The following PABPC1L variants were observed in gnomAD, a reference collection of about 807,000 sequenced individuals.
The protein encoded by PABPC1L is poly(A) binding protein cytoplasmic 1 like, also known as polyadenylate-binding protein 1-like.
Under a neutral mutation model 66.6 loss-of-function variants are expected in PABPC1L, and 31 were observed. The ratio of observed to expected loss-of-function variants is 0.47; its 90% CI spans 0.35 to 0.63. The LOEUF (loss-of-function observed/expected upper bound fraction) is 0.63. PABPC1L is among the 20% of genes least tolerant of loss of function. PABPC1L has a pLI of 0.00. For synonymous variants in PABPC1L, 348 were observed against 335.1 expected, an observed-to-expected ratio of 1.04 and a Z score of -0.42; for missense variants, 722 against 848.8, an observed-to-expected ratio of 0.85 and a Z score of 1.86.
At chr20:44,929,759 C>T (rs1323161978) in intron 7 of PABPC1L, among the ~76,000 whole-genome samples, 2 of 150,768 alleles carry the variant, frequency 1.3e-5, no homozygotes, top group Admixed American at 1.3e-4. Flanking sequence ...CGTGCCACTC[C>T]ACTCTAGCCT....
At chr20:44,913,579 C>G (rs560397147) in intron 2 of PABPC1L, among the ~76,000 whole-genome samples, 6 of 152,178 alleles carry the variant, frequency 3.9e-5, no homozygotes, top group Admixed American at 1.3e-4. Flanking sequence ...AGCCACCATG[C>G]CTGGATAATT....
At chr20:44,927,187 G>A (rs73296554) in intron 7 of PABPC1L, among the ~76,000 whole-genome samples, 1,832 of 151,688 alleles carry the variant, frequency 0.012, 31 homozygotes, top group African/African-American at 0.04. Context: ...CATCTGGCCT[G>A]TATTTTGTTT....
intron 6 of PABPC1L, among the ~76,000 whole-genome samples, chr20:44,922,496 A>G (rs930846266): frequency 8.5e-5 from 13 of 152,092 alleles, no homozygotes; most frequent in Admixed American, 7.9e-4. Context: ...TCAGCCTCCC[A>G]AAGTGCTGGG....
chr20:44,936,318 T>A (rs1289947212), intron 11 of PABPC1L, among the ~76,000 whole-genome samples: 1 of 152,184 alleles, frequency 6.6e-6, no homozygotes, highest in Non-Finnish European at 1.5e-5. Context: ...GCCGGGGACA[T>A]GTCCATAAAT....
chr20:44,937,923 G>GT (rs2066913886), intron 12 of PABPC1L, 138 bp from the exon 13 acceptor site: 2 of 1,142,954 alleles, frequency 1.7e-6, no homozygotes. Flanking sequence ...AGAAGATCAA[G>GT]TGTTAAATGT....
At chr20:44,918,245 G>A (rs141515139) in intron 3 of PABPC1L, among the ~76,000 whole-genome samples, 132 of 152,260 alleles carry the variant, frequency 8.7e-4, no homozygotes, top group African/African-American at 3.0e-3. Flanking sequence ...CAGGAGAATC[G>A]CTTGAACCCA....
Position 44,939,272 on chromosome 20 carries a change from G to T in PABPC1L, c.*153G>T. The T allele has an allele frequency of 1.4e-6, 1 of 712,498 alleles. No homozygotes were observed. 44.1% of individuals were successfully genotyped at this position (712,498 alleles called of 1,614,324 possible). On this transcript the variant is annotated 3_prime_UTR_variant, in exon 15 of 15. Coordinates refer to ENST00000217073, the MANE Select transcript of PABPC1L (RefSeq NM_001372179.1). ...TGAATGAAGGTTGGTCACCCATCCA[G>T]CCTATTACCTTTTGCTTTGTGTATT...
intron 10 of PABPC1L, 67 bp from the exon 11 acceptor site, chr20:44,935,324 T>C (rs2066892831): frequency 8.4e-7 from 1 of 1,187,524 alleles, no homozygotes; most frequent in African/African-American, 1.5e-5. Context: ...TGTTTTGTTT[T>C]GTTTTGTTTT....
At chr20:44,938,436 T>C (rs2072608110) in intron 13 of PABPC1L, among the ~76,000 whole-genome samples, 1 of 152,174 alleles carries the variant, frequency 6.6e-6, no homozygotes, top group East Asian at 1.9e-4. Flanking sequence ...AGGAAGTGTG[T>C]TGTGACTCAG....
chr20:44,938,805 C>A, intron 14 of PABPC1L, 57 bp downstream of exon 14: 1 of 1,502,640 alleles, frequency 6.7e-7, no homozygotes, highest in Non-Finnish European at 9.1e-7. Context: ...AGGAAATAGG[C>A]AGGGACTGAC....
chr20:44,933,761 T>TC (rs1299419147), intron 10 of PABPC1L, among the ~76,000 whole-genome samples: 1 of 149,962 alleles, frequency 6.7e-6, no homozygotes, highest in Non-Finnish European at 1.5e-5. Context: ...TTTTTTTTTT[T>TC]TTTTTTTGAG....
intron 5 of PABPC1L, among the ~76,000 whole-genome samples, chr20:44,920,894 C>A (rs776276521): frequency 1.3e-5 from 2 of 151,986 alleles, no homozygotes; most frequent in African/African-American, 4.8e-5. Context: ...CTCACTGCAA[C>A]CTCCACCTCC....
rs747094879 is a variant in PABPC1L, at chr20:44,910,220, T to A, written c.77T>A (p.Met26Lys). 56 of 1,578,320 alleles carry A rather than the reference T, an allele frequency of 3.5e-5. 1 individual carries two copies. In the South Asian group the frequency reaches 6.0e-4, roughly 17 times the overall value. Residue 26 changes from methionine (M) to lysine (K), a missense_variant, in exon 1 of 15, where the codon ATG (methionine) becomes AAG (lysine). By Grantham distance (95) the Met-to-Lys change is moderately conservative. This residue lies in a region of PABPC1L where 284 missense variants were observed against 294.8 expected (regional missense o/e 0.96). Coordinates refer to ENST00000217073, the MANE Select transcript of PABPC1L (RefSeq NM_001372179.1). The part of the protein sequence containing the change: ...GDLHPDVTEA[M>K]LYEKFSPAGP... The stretch of plus-strand genomic sequence containing the variant: ...CTGCACCCCGACGTGACCGAGGCCA[T>A]GCTCTATGAGAAGTTCTCTCCCGCC...
intron 1 of PABPC1L, among the ~76,000 whole-genome samples, chr20:44,911,948 C>G (rs927659389): frequency 1.3e-5 from 2 of 151,722 alleles, no homozygotes; most frequent in Admixed American, 6.5e-5. Flanking sequence ...CCAGGAGAGA[C>G]ACAGGCTGCA....
At position 44,933,108 on chromosome 20, in the gene PABPC1L, G is replaced by GC. The variant is rs1555799915; in HGVS notation, c.1388dup (p.Ala464GlyfsTer56). The GC allele has an allele frequency of 2.5e-6, 4 of 1,606,340 alleles. No homozygotes were observed. Among genetic ancestry groups the GC allele is most frequent in the South Asian group, 2.2e-5 (2 of 89,102 alleles). On this transcript the variant is annotated frameshift_variant, in exon 10 of 15. Transcript: ENST00000217073. LOFTEE classifies it high-confidence loss of function. ...GTCCGGCCACCAGTTGTGCCTCGGCGCCCCCCGGCCCACATCAGCAGTGTC... is the reference window on the plus strand; with the variant it reads ...GTCCGGCCACCAGTTGTGCCTCGGCGCCCCCCCGGCCCACATCAGCAGTGTC...
Position 44,910,194 on chromosome 20 carries a change from T to C in PABPC1L, c.51T>C (p.Asp17=). 6.3e-7 allele frequency: 1 copy of C among 1,581,894 alleles called. No homozygotes were observed. Among genetic ancestry groups the C allele is most frequent in the Admixed American group, 1.8e-5 (1 of 56,086 alleles). The stretch of plus-strand genomic sequence containing the variant: ...CGCTTGCCTCGCTTTACGTGGGCGA[T>C]CTGCACCCCGACGTGACCGAGGCCA... ...GYPLASLYVG[D]LHPDVTEAML... is the part of the protein sequence containing the mutation. The change falls in exon 1 of 15, where the codon GAT becomes GAC. Residue 17 remains aspartate (D), a synonymous_variant. Transcript: ENST00000217073.
intron 8 of PABPC1L, 152 bp downstream of exon 8, chr20:44,930,878 A>T: frequency 1.8e-6 from 2 of 1,108,030 alleles, no homozygotes. Flanking sequence ...TATAAAAGGG[A>T]GAGATAGTGT....
At chr20:44,930,835 G>A (rs890341852) in intron 8 of PABPC1L, 109 bp downstream of exon 8, 9 of 1,420,944 alleles carry the variant, frequency 6.3e-6, no homozygotes, top group Admixed American at 4.5e-5. Context: ...TGCTTCTGCC[G>A]AGGACTCATT....
At chr20:44,916,734 G>T (rs1479761304) in intron 2 of PABPC1L, 22 bp from the exon 3 acceptor site, 1 of 1,611,680 alleles carries the variant, frequency 6.2e-7, no homozygotes, top group Admixed American at 1.7e-5. Context: ...TACTCTTCCT[G>T]TCCTTCCTCC....
Sources: allele counts gnomAD v4.1 joint callset (sites outside exome capture counted in the v4.1 genomes callset), GRCh38; gene constraint gnomAD v4.1.1; regional missense constraint gnomAD v4.1.1; transcripts MANE v1.5; gene names NCBI Gene and HGNC (gene_info 2026-07-23, HGNC 2026-07-21).